PEPD: variants seen among roughly 807,000 people sequenced by gnomAD.
The protein encoded by PEPD is xaa-Pro dipeptidase.
Under a neutral mutation model 60.7 loss-of-function variants are expected in PEPD, and 53 were observed. The ratio of observed to expected loss-of-function variants is 0.87; its 90% CI spans 0.70 to 1.10. The LOEUF (loss-of-function observed/expected upper bound fraction) is 1.10. Among genes scored for constraint, PEPD ranks in the 50% least tolerant of loss-of-function variants. PEPD has a pLI of 0.00. For missense variants in PEPD, 711 were observed against 711.9 expected (o/e 1.00, Z 0.01); for synonymous variants, 267 against 284.1 (o/e 0.94, Z 0.60).
chr19:33,400,689 T>C (rs1006638470), intron 12 of PEPD, among the ~76,000 whole-genome samples: 1 of 151,742 alleles, frequency 6.6e-6, no homozygotes, highest in Non-Finnish European at 1.5e-5. Context: ...ACGGCAGGGG[T>C]GCTGTGTTGA....
chr19:33,465,587 G>A (rs911536247), intron 7 of PEPD, among the ~76,000 whole-genome samples: 13 of 152,026 alleles, frequency 8.6e-5, no homozygotes, highest in Admixed American at 7.9e-4. Flanking sequence ...TGACAGCATC[G>A]CAGCCCAAGC....
At chr19:33,475,148 A>C (rs1970191873) in intron 7 of PEPD, among the ~76,000 whole-genome samples, 1 of 152,114 alleles carries the variant, frequency 6.6e-6, no homozygotes, top group Non-Finnish European at 1.5e-5. Context: ...GAGGCTCAGA[A>C]AAGTCAAGTG....
chr19:33,413,463 C>T (rs946525379), intron 10 of PEPD, 112 bp downstream of exon 10: 180 of 702,538 alleles, frequency 2.6e-4, no homozygotes, highest in Middle Eastern at 3.7e-4. Context: ...CTGGTGTGGG[C>T]GTGTGAGTGA....
chr19:33,410,769 T>C lies in PEPD; in HGVS notation c.818+903A>G, dbSNP rs570615448. ...GGGAGGGACAAGGCACATCCTCTGC[T>C]AGTCAGTGACCACAGTGAAATGTCT... On this transcript the variant is annotated intron_variant, in intron 11 of 14. Coordinates refer to ENST00000244137, the MANE Select transcript of PEPD (RefSeq NM_000285.4). Among the ~76,000 whole-genome samples, 359 of 152,248 alleles carry C rather than the reference T, an allele frequency of 2.4e-3. 8 individuals are homozygous for C. The highest frequency in any genetic ancestry group is 0.022 in the Admixed American group (332 of 15,306).
intron 12 of PEPD, among the ~76,000 whole-genome samples, chr19:33,394,216 C>T (rs930063520): frequency 2.6e-5 from 4 of 152,210 alleles, no homozygotes; most frequent in South Asian, 2.1e-4. Flanking sequence ...TCCTCTCGGA[C>T]GCGCCCTTCT....
rs901201025 is a variant in PEPD at position 33,482,695 on chromosome 19, A to G, written c.504-4605T>C. Among the ~76,000 whole-genome samples, 4 of 152,354 alleles carry G rather than the reference A, an allele frequency of 2.6e-5. No individual in the cohort carries two copies. The East Asian group carries it at 7.7e-4, about 29-fold the overall frequency. On this transcript the variant is annotated intron_variant, in intron 6 of 14. Transcript: ENST00000244137. The stretch of plus-strand genomic sequence containing the variant: ...GGGAACTGAAAGCATATGTTCACAC[A>G]AGAAGTCTGACATCTATGCTCATAG...
intron 9 of PEPD, among the ~76,000 whole-genome samples, chr19:33,443,346 T>C (rs987689294): frequency 7.9e-5 from 12 of 152,192 alleles, no homozygotes; most frequent in South Asian, 2.1e-4. Flanking sequence ...TTTGGATTCT[T>C]TTCCACTTTG....
At chr19:33,467,872 T>C (rs1970049492) in intron 7 of PEPD, among the ~76,000 whole-genome samples, 1 of 152,192 alleles carries the variant, frequency 6.6e-6, no homozygotes, top group African/African-American at 2.4e-5. Flanking sequence ...CATTCATTCA[T>C]TTCACATCAC....
At chr19:33,492,781 C>G (rs1314345213) in intron 5 of PEPD, among the ~76,000 whole-genome samples, 1 of 152,244 alleles carries the variant, frequency 6.6e-6, no homozygotes, top group Non-Finnish European at 1.5e-5. Flanking sequence ...CGACAGGACA[C>G]AGCAGGTCCC....
intron 4 of PEPD, among the ~76,000 whole-genome samples, chr19:33,494,626 C>T (rs1417711692): frequency 2.6e-5 from 4 of 152,292 alleles, no homozygotes; most frequent in East Asian, 3.9e-4. Flanking sequence ...CAGTCACTAC[C>T]GCTGGGGACA....
chr19:33,483,843 A>T (rs969911375), intron 6 of PEPD, among the ~76,000 whole-genome samples: 1 of 152,174 alleles, frequency 6.6e-6, no homozygotes, highest in African/African-American at 2.4e-5. Context: ...TTTAAAAAAG[A>T]AAAAAAGACC....
At chr19:33,406,942 G>A (rs1294291311) in intron 11 of PEPD, among the ~76,000 whole-genome samples, 1 of 152,168 alleles carries the variant, frequency 6.6e-6, no homozygotes, top group Non-Finnish European at 1.5e-5. Flanking sequence ...CACCCCCCAT[G>A]CCCAGGAGCA....
At chr19:33,395,845 G>A (rs1431177186) in intron 12 of PEPD, among the ~76,000 whole-genome samples, 5 of 152,230 alleles carry the variant, frequency 3.3e-5, no homozygotes, top group South Asian at 4.1e-4. Flanking sequence ...AGCAGGCTCC[G>A]GCCGGGGTCC....
chr19:33,493,226 T>G (rs1403378902), intron 5 of PEPD, 64 bp downstream of exon 5: 2 of 1,139,794 alleles, frequency 1.8e-6, no homozygotes, highest in Non-Finnish European at 2.7e-6. Context: ...GCAGGAGAGG[T>G]GGCCCCCATA....
chr19:33,400,791 C>T (rs529543852), intron 12 of PEPD, among the ~76,000 whole-genome samples: 132 of 152,354 alleles, frequency 8.7e-4, no homozygotes, highest in African/African-American at 3.0e-3. Flanking sequence ...CCTCCCATCA[C>T]TGCTGGGAAA....
intron 9 of PEPD, among the ~76,000 whole-genome samples, chr19:33,415,160 G>T (rs973199951): frequency 6.6e-6 from 1 of 152,168 alleles, no homozygotes; most frequent in Non-Finnish European, 1.5e-5. Context: ...TGGAACAGGG[G>T]TGCTCCCTTG....
chr19:33,508,757 C>T (rs1025126356), intron 3 of PEPD, among the ~76,000 whole-genome samples: 2 of 152,226 alleles, frequency 1.3e-5, no homozygotes, highest in Non-Finnish European at 2.9e-5. Flanking sequence ...CTGCCACATC[C>T]GTCATGAGGC....
At chr19:33,405,243 C>T (rs4805880) in intron 11 of PEPD, among the ~76,000 whole-genome samples, 23,894 of 152,230 alleles carry the variant, frequency 0.16, 2,441 homozygotes, top group Admixed American at 0.27. Context: ...GGCAGGGACC[C>T]GCCAGCCCAG....
intron 3 of PEPD, among the ~76,000 whole-genome samples, chr19:33,509,511 G>A (rs1179843530): frequency 3.3e-5 from 5 of 152,270 alleles, no homozygotes; most frequent in Non-Finnish European, 7.4e-5. Context: ...AGGCAGAAAC[G>A]GAGTCTGCAC....
Sources: allele counts gnomAD v4.1 joint callset (sites outside exome capture counted in the v4.1 genomes callset), GRCh38; gene constraint gnomAD v4.1.1; transcripts MANE v1.5; gene names NCBI Gene and HGNC (gene_info 2026-07-23, HGNC 2026-07-21).